Variants in ZNF469 observed in about 807,000 individuals in gnomAD.
ZNF469 encodes the protein zinc finger protein 469.
A neutral mutation model predicts 1.0 loss-of-function variants in ZNF469; 1 was observed. That is an observed-to-expected ratio of 1.00 (90% CI 0.35 to 4.73). The LOEUF is 4.73. Ranked by LOEUF, ZNF469 falls within the 30% of genes most tolerant of loss-of-function variation. The pLI is 0.16. For synonymous variants in ZNF469, 2,703 were observed against 2,363.4 expected (o/e 1.14, Z -4.17); for missense variants, 6,100 against 5,356.3 (o/e 1.14, Z -4.33).
the ZNF469 span, among the ~76,000 whole-genome samples, chr16:88,211,348 G>A: frequency 1.3e-5 from 2 of 152,196 alleles, no homozygotes; most frequent in Non-Finnish European, 2.9e-5. Flanking sequence ...TACAAGGCAG[G>A]CATTAGTTAA....
chr16:88,135,068 G>A, the ZNF469 span, among the ~76,000 whole-genome samples: 1 of 152,216 alleles, frequency 6.6e-6, no homozygotes, highest in South Asian at 2.1e-4. Flanking sequence ...AAGCCAGGGC[G>A]AGGCCCCGGG....
At chr16:88,350,759 G>A in the ZNF469 span, among the ~76,000 whole-genome samples, 1 of 152,244 alleles carries the variant, frequency 6.6e-6, no homozygotes, top group East Asian at 1.9e-4. Context: ...GGCAGCAGAG[G>A]TTAGAGACAC....
At position 88,428,163 on chromosome 16, in the gene ZNF469, G is replaced by A. The variant is rs2142297917; in HGVS notation, c.693G>A (p.Gly231=). 1.9e-6 allele frequency: 3 copies of A among 1,550,202 alleles called. No individual in the cohort carries two copies. The highest frequency in any genetic ancestry group is 2.4e-5 in the East Asian group (1 of 40,906). ...CCTATCCCGAATACCAGGCCAGTGG[G>A]GCCGACTCCTGGCCTCCCGCTGCTG... ...PGSYPEYQAS[G]ADSWPPAAEN... is the part of the protein sequence containing the mutation. The change falls in exon 3 of 3, where the codon GGG becomes GGA. Residue 231 remains glycine (G), a synonymous_variant. Coordinates refer to ENST00000565624, the MANE Select transcript of ZNF469 (RefSeq NM_001367624.2).
chr16:88,203,275 T>TA, the ZNF469 span, among the ~76,000 whole-genome samples: 1 of 152,058 alleles, frequency 6.6e-6, no homozygotes, highest in Non-Finnish European at 1.5e-5. Context: ...GACCCGCGTC[T>TA]AGGAAGAATG....
the ZNF469 span, among the ~76,000 whole-genome samples, chr16:88,101,285 T>G: frequency 4.6e-4 from 70 of 152,300 alleles, no homozygotes; most frequent in Non-Finnish European, 8.5e-4. Context: ...GCTTTCCAGT[T>G]GATGATAGGG....
chr16:88,359,283 C>G, the ZNF469 span, among the ~76,000 whole-genome samples: 1 of 151,936 alleles, frequency 6.6e-6, no homozygotes, highest in Non-Finnish European at 1.5e-5. Flanking sequence ...TTGCTATTGT[C>G]TGCTTCTGAG....
the ZNF469 span, among the ~76,000 whole-genome samples, chr16:88,271,399 A>G: frequency 0.06 from 6,516 of 107,942 alleles, 811 homozygotes; most frequent in African/African-American, 0.14. Flanking sequence ...GGTGGCCTAG[A>G]CTAGAACAGC....
the ZNF469 span, among the ~76,000 whole-genome samples, chr16:88,337,270 T>G: frequency 6.6e-6 from 1 of 152,116 alleles, no homozygotes; most frequent in East Asian, 1.9e-4. Flanking sequence ...GCCTTTCCCA[T>G]GCTGTTCTCA....
chr16:88,249,429 CTTT>C, the ZNF469 span, among the ~76,000 whole-genome samples: 304 of 63,556 alleles, frequency 4.8e-3, no homozygotes, highest in South Asian at 9.4e-3. Flanking sequence ...TTTTCTTTTT[CTTT>C]TTTTTTTTTT....
the ZNF469 span, among the ~76,000 whole-genome samples, chr16:88,153,916 G>T: frequency 6.6e-6 from 1 of 152,134 alleles, no homozygotes; most frequent in South Asian, 2.1e-4. Flanking sequence ...GTGGATCAGG[G>T]CCCCACTCTC....
the ZNF469 span, among the ~76,000 whole-genome samples, chr16:88,176,966 G>A: frequency 2.6e-5 from 4 of 152,250 alleles, no homozygotes; most frequent in Non-Finnish European, 5.9e-5. Context: ...TCTGTGACCC[G>A]TGGCAGGGAA....
chr16:88,377,761 A>T, the ZNF469 span, among the ~76,000 whole-genome samples: 2 of 151,988 alleles, frequency 1.3e-5, no homozygotes, highest in Non-Finnish European at 2.9e-5. Context: ...GTACCCACAC[A>T]GGTCCTCAGG....
At chr16:88,285,662 C>T in the ZNF469 span, among the ~76,000 whole-genome samples, 18 of 152,362 alleles carry the variant, frequency 1.2e-4, no homozygotes, top group Admixed American at 3.3e-4. Flanking sequence ...AGCGTCGGCA[C>T]GGTGGGGAGG....
rs2142314760 is a variant in ZNF469, at chr16:88,437,338, A to G, written c.9868A>G (p.Ser3290Gly). The change falls in exon 3 of 3, where the codon AGC (serine) becomes GGC (glycine). Residue 3290 changes from serine to glycine, a missense_variant. Ser to Gly is a moderately conservative substitution (Grantham distance 56). Coordinates refer to ENST00000565624, the MANE Select transcript of ZNF469 (RefSeq NM_001367624.2). ...SNPDGAATPDSASATALADAG... is the reference protein window; with the variant it reads ...SNPDGAATPDGASATALADAG... ...CCCAGACGGGGCCGCGACCCCAGAC[A>G]GCGCCTCTGCCACCGCCCTGGCTGA... is the stretch of plus-strand genomic sequence containing the variant. 1.3e-6 allele frequency: 2 copies of G among 1,545,574 alleles called. No individual in the cohort carries two copies. Among genetic ancestry groups the G allele is most frequent in the East Asian group, 2.5e-5 (1 of 40,686 alleles).
At chr16:88,364,667 T>C in the ZNF469 span, among the ~76,000 whole-genome samples, 914 of 152,272 alleles carry the variant, frequency 6.0e-3, 11 homozygotes, top group African/African-American at 0.021. Context: ...ATTTTCTACA[T>C]AAAAGTCTTG....
the ZNF469 span, among the ~76,000 whole-genome samples, chr16:88,360,092 G>A: frequency 6.6e-6 from 1 of 152,084 alleles, no homozygotes; most frequent in Non-Finnish European, 1.5e-5. Flanking sequence ...CCTGACTGCA[G>A]ATGCACCCAC....
chr16:88,203,338 C>T, the ZNF469 span, among the ~76,000 whole-genome samples: 65,125 of 151,970 alleles, frequency 0.43, 15,450 homozygotes, highest in South Asian at 0.55. Flanking sequence ...TGCCCAGGGC[C>T]CTCCCCCACC....
chr16:88,288,676 TA>T, the ZNF469 span, among the ~76,000 whole-genome samples: 1 of 152,218 alleles, frequency 6.6e-6, no homozygotes, highest in African/African-American at 2.4e-5. Flanking sequence ...CTGTCTCATG[TA>T]ACCCCTGTTG....
chr16:88,343,672 C>G, the ZNF469 span, among the ~76,000 whole-genome samples: 1 of 152,032 alleles, frequency 6.6e-6, no homozygotes, highest in Non-Finnish European at 1.5e-5. Flanking sequence ...GGGGGCTGAG[C>G]CTGGTGGCTC....
Sources: gnomAD v4.1 joint callset for allele counts (sites outside exome capture counted in the v4.1 genomes callset) on GRCh38, gnomAD v4.1.1 for gene constraint, MANE v1.5 for transcripts, NCBI Gene and HGNC (gene_info 2026-07-23, HGNC 2026-07-21) for gene names.